The following UBE3D variants were observed in gnomAD, a reference collection of about 807,000 sequenced individuals.
UBE3D encodes the protein E3 ubiquitin-protein ligase E3D.
Under a neutral mutation model 49.6 loss-of-function variants are expected in UBE3D, and 48 were observed. That is an observed-to-expected ratio of 0.97 (90% CI 0.77 to 1.23). The LOEUF (loss-of-function observed/expected upper bound fraction) is 1.23. Among genes scored for constraint, UBE3D ranks in the 50% most tolerant of loss-of-function variants. UBE3D has a pLI of 0.00. For missense variants in UBE3D, 452 were observed against 468.4 expected, an observed-to-expected ratio of 0.96 and a Z score of 0.32; for synonymous variants, 189 against 174.2, an observed-to-expected ratio of 1.08 and a Z score of -0.67.
At chr6:83,052,360 G>A (rs1783525307) in intron 3 of UBE3D, among the ~76,000 whole-genome samples, 4 of 152,172 alleles carry the variant, frequency 2.6e-5, no homozygotes. Flanking sequence ...AAGATTATCT[G>A]CACTCCGAGA....
intron 8 of UBE3D, 87 bp from the exon 9 acceptor site, chr6:82,957,537 G>A: frequency 3.5e-6 from 5 of 1,440,790 alleles, no homozygotes; most frequent in Middle Eastern, 1.8e-4. Context: ...ACTCAATTGT[G>A]AGAGAAAAAG....
intron 9 of UBE3D, among the ~76,000 whole-genome samples, chr6:82,951,243 C>T (rs972987881): frequency 6.6e-6 from 1 of 151,892 alleles, no homozygotes; most frequent in African/African-American, 2.4e-5. Context: ...ACTATGTACC[C>T]ATAAAAATTA....
At chr6:82,907,411 T>G (rs1772180418) in intron 9 of UBE3D, among the ~76,000 whole-genome samples, 2 of 152,206 alleles carry the variant, frequency 1.3e-5, no homozygotes, top group African/African-American at 4.8e-5. Context: ...TGTTTCACAG[T>G]GGTTTTTATA....
intron 9 of UBE3D, among the ~76,000 whole-genome samples, chr6:82,945,400 C>A (rs972265305): frequency 6.6e-6 from 1 of 152,084 alleles, no homozygotes; most frequent in African/African-American, 2.4e-5. Context: ...TATTTAAGAC[C>A]ATCATGCCAG....
chr6:82,884,484 AGT>A, the UBE3D span, among the ~76,000 whole-genome samples: 2 of 152,314 alleles, frequency 1.3e-5, no homozygotes, highest in African/African-American at 4.8e-5. Context: ...GACTTTCAAT[AGT>A]AAGTGAGGAT....
intron 8 of UBE3D, among the ~76,000 whole-genome samples, chr6:82,987,381 T>C (rs1208488984): frequency 5.9e-5 from 9 of 152,210 alleles, no homozygotes; most frequent in Non-Finnish European, 1.2e-4. Context: ...TTGGATTTTC[T>C]TGATACATAA....
At chr6:82,942,832 A>G (rs955438689) in intron 9 of UBE3D, among the ~76,000 whole-genome samples, 5 of 152,228 alleles carry the variant, frequency 3.3e-5, no homozygotes, top group African/African-American at 1.2e-4. Context: ...AGGAGCAGAA[A>G]TGTGGGGTCT....
At chr6:82,969,254 T>C (rs1413377416) in intron 8 of UBE3D, among the ~76,000 whole-genome samples, 4 of 151,222 alleles carry the variant, frequency 2.6e-5, no homozygotes, top group Non-Finnish European at 4.4e-5. Context: ...GGGGTGGAAG[T>C]GAAGCCTAAA....
At chr6:83,000,002 G>A (rs768162809) in intron 8 of UBE3D, among the ~76,000 whole-genome samples, 7 of 152,110 alleles carry the variant, frequency 4.6e-5, no homozygotes, top group Non-Finnish European at 8.8e-5. Flanking sequence ...TCTTAAAGCA[G>A]TTTCCTCCCT....
chr6:82,908,791 A>G (rs774216213), intron 9 of UBE3D, among the ~76,000 whole-genome samples: 5 of 152,180 alleles, frequency 3.3e-5, no homozygotes, highest in Admixed American at 6.5e-5. Flanking sequence ...CCTCCACTGC[A>G]TAACTTACTC....
intron 7 of UBE3D, among the ~76,000 whole-genome samples, chr6:83,020,727 G>T (rs1781034447): frequency 6.6e-6 from 1 of 152,152 alleles, no homozygotes; most frequent in Non-Finnish European, 1.5e-5. Flanking sequence ...TCTGCAATTA[G>T]AAAAGCATAG....
downstream of UBE3D, among the ~76,000 whole-genome samples, chr6:82,887,686 G>A (rs1230290575): frequency 6.8e-6 from 1 of 147,260 alleles, no homozygotes; most frequent in African/African-American, 2.6e-5. Context: ...TCCATCCTGG[G>A]CAACAGAGAG....
intron 8 of UBE3D, among the ~76,000 whole-genome samples, chr6:83,003,021 G>A (rs1025948328): frequency 6.6e-6 from 1 of 152,084 alleles, no homozygotes; most frequent in African/African-American, 2.4e-5. Context: ...TTCCTGTTTG[G>A]CAAAATCTTT....
rs115430466 is a variant in UBE3D, at chr6:83,008,039, G to A, written c.1010+10934C>T. Among the ~76,000 whole-genome samples, 1,287 of 152,278 alleles carry A rather than the reference G, an allele frequency of 8.5e-3. 19 individuals are homozygous for A. The highest frequency in any genetic ancestry group is 0.028 in the African/African-American group (1,177 of 41,554). ...GCCTAAATACAATTTCAAGAAAATC[G>A]TGGGTTATATAACACACTGAGGGAA... On this transcript the variant is annotated intron_variant, in intron 8 of 9. Transcript: ENST00000369747.
At chr6:82,908,539 G>C (rs972220871) in intron 9 of UBE3D, among the ~76,000 whole-genome samples, 2 of 152,046 alleles carry the variant, frequency 1.3e-5, no homozygotes, top group African/African-American at 4.8e-5. Context: ...ACTGAAATAC[G>C]AAAATAAGAA....
intron 1 of UBE3D, 122 bp from the exon 2 acceptor site, chr6:83,058,144 C>T (rs1582770583): frequency 2.2e-6 from 2 of 917,612 alleles, no homozygotes; most frequent in East Asian, 5.2e-5. Flanking sequence ...AAGTCACTGC[C>T]CCAGAAAAAC....
chr6:82,941,730 T>C (rs1411529452), intron 9 of UBE3D, among the ~76,000 whole-genome samples: 21 of 152,110 alleles, frequency 1.4e-4, no homozygotes, highest in Admixed American at 1.4e-3. Flanking sequence ...TGATAGTGAG[T>C]GAGTTCTCAT....
At chr6:83,034,640 G>A (rs919964296) in intron 5 of UBE3D, among the ~76,000 whole-genome samples, 15 of 152,230 alleles carry the variant, frequency 9.9e-5, no homozygotes, top group African/African-American at 3.4e-4. Flanking sequence ...AGGTTTAAAA[G>A]TGTGTGGCAA....
chr6:82,923,855 T>C (rs1773541641), intron 9 of UBE3D, among the ~76,000 whole-genome samples: 1 of 152,212 alleles, frequency 6.6e-6, no homozygotes, highest in South Asian at 2.1e-4. Context: ...AATGTTAATT[T>C]AACATTTGAA....
Sources: gnomAD v4.1 joint callset for allele counts (sites outside exome capture counted in the v4.1 genomes callset) on GRCh38, gnomAD v4.1.1 for gene constraint, MANE v1.5 for transcripts, NCBI Gene and HGNC (gene_info 2026-07-23, HGNC 2026-07-21) for gene names.